Variants in ROS1 observed in about 807,000 individuals in gnomAD.
ROS1 encodes the protein ROS proto-oncogene 1, receptor tyrosine kinase.
In ROS1, 263 loss-of-function variants were observed where a neutral mutation model predicts 273.5. That is an observed-to-expected ratio of 0.96 (90% CI 0.87 to 1.06). The LOEUF is 1.06. Among genes scored for constraint, ROS1 ranks in the 50% least tolerant of loss-of-function variants. The pLI is 0.00. For missense variants in ROS1, 2,833 were observed against 2,751.1 expected (o/e 1.03, Z -0.67); for synonymous variants, 1,008 against 954.1 (o/e 1.06, Z -1.04).
chr6:117,396,138 C>T (rs1313595726), intron 9 of ROS1, 50 bp downstream of exon 9: 3 of 1,476,474 alleles, frequency 2.0e-6, no homozygotes, highest in Non-Finnish European at 2.8e-6. Flanking sequence ...CTGAAACCAC[C>T]CTTGCCACCC....
intron 4 of ROS1, among the ~76,000 whole-genome samples, chr6:117,410,640 C>A (rs779905990): frequency 1.3e-5 from 2 of 152,158 alleles, no homozygotes; most frequent in African/African-American, 4.8e-5. Flanking sequence ...CAATCATGAT[C>A]AATCTTCCTG....
rs1193257514 is a variant in ROS1 at position 117,383,405 on chromosome 6, C to T, written c.2393G>A (p.Trp798Ter). The T allele has an allele frequency of 1.2e-6, 2 of 1,613,820 alleles. No homozygotes were observed. The highest frequency in any genetic ancestry group is 2.7e-5 in the African/African-American group (2 of 74,878). Reference protein sequence around the residue: ...VVDSVGGYLYWTTLYSVESTR... With the variant: ...VVDSVGGYLY ...GCTTTCCACTGAATAGAGTGTGGTC[C>T]AGTAGAGATATCCACCAACTGAATC... The change falls in exon 17 of 44, where the codon TGG becomes TAG. Residue 798 changes from tryptophan to a stop codon, truncating the protein, a stop_gained. Transcript: ENST00000368507. LOFTEE classifies it high-confidence loss of function.
chr6:117,389,953 T>G, intron 12 of ROS1, 107 bp from the exon 13 acceptor site: 8 of 986,766 alleles, frequency 8.1e-6, no homozygotes, highest in Non-Finnish European at 1.2e-5. Context: ...TATGTATCTC[T>G]GATGTTGCTA....
chr6:117,302,395 C>T (rs1470649999), intron 42 of ROS1, among the ~76,000 whole-genome samples: 1 of 152,094 alleles, frequency 6.6e-6, no homozygotes, highest in Non-Finnish European at 1.5e-5. Context: ...ATCCTTTGAA[C>T]CCCACTGTGC....
rs573243428 is a variant in ROS1, at chr6:117,337,354, T to G, written c.5062-14A>C. The G allele has an allele frequency of 6.3e-7, 1 of 1,580,082 alleles. No homozygotes were observed. The highest frequency in any genetic ancestry group is 1.2e-5 in the South Asian group (1 of 84,866). On this transcript the variant is annotated splice_polypyrimidine_tract_variant and intron_variant, in intron 31 of 43. Transcript: ENST00000368507. ...ATTGTATTTCCACTAGAAAAAGAAG[T>G]CTCGATTAATATTTTTGTTTCTCTA... is the stretch of plus-strand genomic sequence containing the variant.
chr6:117,383,186 A>G, intron 17 of ROS1, 131 bp downstream of exon 17: 2 of 674,716 alleles, frequency 3.0e-6, no homozygotes, highest in African/African-American at 1.8e-5. Flanking sequence ...ACTTGGTTAA[A>G]CCAAGATCTT....
chr6:117,396,786 A>T, intron 8 of ROS1, 129 bp downstream of exon 8: 1 of 708,008 alleles, frequency 1.4e-6, no homozygotes, highest in Admixed American at 2.6e-5. Context: ...AATGACTTCA[A>T]CCCAACACCA....
intron 42 of ROS1, chr6:117,301,375 C>A: frequency 2.9e-6 from 1 of 349,616 alleles, no homozygotes. Context: ...AGTTATTATT[C>A]CAAATAAATA....
chr6:117,387,010 A>G lies in ROS1; in HGVS notation c.2000-11T>C, dbSNP rs753599139. 10 of 1,521,748 alleles carry G rather than the reference A, an allele frequency of 6.6e-6. No individual in the cohort carries two copies. The Middle Eastern group carries it at 6.8e-4, about 104-fold the overall frequency. 94.3% of individuals were successfully genotyped at this position (1,521,748 alleles called of 1,614,324 possible). On this transcript the variant is annotated splice_polypyrimidine_tract_variant and intron_variant, in intron 14 of 43. Transcript: ENST00000368507. ...ATGGTGGTTCACTAGCTGTTTAGTA[A>G]AAAAGAAATTAAAAGAAACATCAGG... is the stretch of plus-strand genomic sequence containing the variant.
chr6:117,327,017 T>A (rs1475525963), intron 33 of ROS1, among the ~76,000 whole-genome samples: 1 of 152,188 alleles, frequency 6.6e-6, no homozygotes, highest in Non-Finnish European at 1.5e-5. Context: ...CTGGAATGAC[T>A]TTTTACAGAA....
At chr6:117,291,580 C>T (rs1406566740) in intron 43 of ROS1, among the ~76,000 whole-genome samples, 1 of 152,174 alleles carries the variant, frequency 6.6e-6, no homozygotes, top group Non-Finnish European at 1.5e-5. Context: ...AACTCTAGCC[C>T]TATTTCAGCA....
chr6:117,313,731 G>C (rs1209293859), intron 39 of ROS1, among the ~76,000 whole-genome samples: 1 of 152,158 alleles, frequency 6.6e-6, no homozygotes, highest in East Asian at 1.9e-4. Context: ...AATAGTCCTT[G>C]AATGCAGGGA....
At chr6:117,411,528 A>C (rs1205667225) in intron 4 of ROS1, among the ~76,000 whole-genome samples, 2 of 152,194 alleles carry the variant, frequency 1.3e-5, no homozygotes, top group South Asian at 2.1e-4. Flanking sequence ...CAGGGGCTAC[A>C]TCAGCTTGCT....
At chr6:117,421,029 T>C (rs1205317277) in intron 1 of ROS1, among the ~76,000 whole-genome samples, 1 of 148,096 alleles carries the variant, frequency 6.8e-6, no homozygotes, top group African/African-American at 2.5e-5. Flanking sequence ...AGTTTACCTG[T>C]ACCTTTTCCC....
chr6:117,341,755 G>A, intron 29 of ROS1, 123 bp from the exon 30 acceptor site: 1 of 697,360 alleles, frequency 1.4e-6, no homozygotes, highest in South Asian at 1.9e-5. Context: ...CACATGTCCA[G>A]AAAGAAAGTC....
At position 117,316,457 on chromosome 6, in the gene ROS1, C is replaced by T. The variant is rs568096741; in HGVS notation, c.6117+686G>A. Among the ~76,000 whole-genome samples the T allele has an allele frequency of 2.4e-3, 371 of 152,106 alleles. 5 individuals carry two copies. Among genetic ancestry groups the T allele is most frequent in the Admixed American group, 0.017 (256 of 15,268 alleles). ...AACTTTGCTGACTTGTCTTATCTTA[C>T]GTGTTCTCATCTAAGGTATAAGGTA... On this transcript the variant is annotated intron_variant, in intron 39 of 43. Transcript: ENST00000368507.
chr6:117,296,509 A>G (rs1390889765), intron 43 of ROS1, among the ~76,000 whole-genome samples: 1 of 152,226 alleles, frequency 6.6e-6, no homozygotes, highest in Admixed American at 6.5e-5. Flanking sequence ...AAGAATATGT[A>G]TGGAACTGGA....
In ROS1 at chr6:117,404,441, C is replaced by G. The variant is rs1331092292; in HGVS notation, c.317-13G>C. 2.5e-6 allele frequency: 4 copies of G among 1,611,866 alleles called. No individual in the cohort carries two copies. Among genetic ancestry groups the G allele is most frequent in the Non-Finnish European group, 3.4e-6 (4 of 1,178,804 alleles). On this transcript the variant is annotated splice_polypyrimidine_tract_variant and intron_variant, in intron 5 of 43. Coordinates refer to ENST00000368507, the MANE Select transcript of ROS1 (RefSeq NM_001378902.1). ...AGGTCTGCATTTTCTGGGGAAAAAACAAGATTTCACTCACCACGCACTCCT... is the reference window on the plus strand; with the variant it reads ...AGGTCTGCATTTTCTGGGGAAAAAAGAAGATTTCACTCACCACGCACTCCT...
intron 39 of ROS1, among the ~76,000 whole-genome samples, chr6:117,311,764 C>A (rs1775567515): frequency 1.3e-5 from 2 of 152,030 alleles, no homozygotes; most frequent in Non-Finnish European, 2.9e-5. Context: ...TACACTTGAG[C>A]CTGTACTGGT....
Sources: gnomAD v4.1 joint callset for allele counts (sites outside exome capture counted in the v4.1 genomes callset) on GRCh38, gnomAD v4.1.1 for gene constraint, MANE v1.5 for transcripts, NCBI Gene and HGNC (gene_info 2026-07-23, HGNC 2026-07-21) for gene names.